Variants in RESP18 observed in about 807,000 individuals in gnomAD.
The protein encoded by RESP18 is regulated endocrine specific protein 18, also known as regulated endocrine-specific protein 18.
RESP18 carries 30 observed loss-of-function variants against 30.0 expected under a neutral mutation model. The ratio of observed to expected loss-of-function variants is 1.00; its 90% CI spans 0.75 to 1.36. The LOEUF (loss-of-function observed/expected upper bound fraction) is 1.36, where lower values mean the gene tolerates loss of function less well. RESP18 is among the 40% of genes most tolerant of loss of function. The pLI, the probability that RESP18 is intolerant of heterozygous loss-of-function variation, is 0.00. For synonymous variants in RESP18, 117 were observed against 111.2 expected (o/e 1.05, Z -0.33); for missense variants, 320 against 284.2 (o/e 1.13, Z -0.91).
At chr2:219,332,437 T>A in intron 2 of RESP18, 87 bp downstream of exon 1, 1 of 969,664 alleles carries the variant, frequency 1.0e-6, no homozygotes. Context: ...TACTTCCAAG[T>A]TTCCTAGCCT....
intron 5 of RESP18, 34 bp from the exon 5 acceptor site, chr2:219,329,042 T>C (rs1027571821): frequency 1.3e-6 from 2 of 1,513,996 alleles, no homozygotes; most frequent in African/African-American, 2.8e-5. Context: ...GTACCTTTGA[T>C]TAGGAATGGA....
At chr2:219,327,848 C>T (rs1158101842) in intron 6 of RESP18, among the ~76,000 whole-genome samples, 1 of 152,224 alleles carries the variant, frequency 6.6e-6, no homozygotes, top group South Asian at 2.1e-4. Context: ...GTCTCTGTCA[C>T]TTCTGTCACT....
At position 219,332,599 on chromosome 2, in the gene RESP18, C is replaced by G. The variant is rs2385405; in HGVS notation, c.157G>C (p.Glu53Gln). The change falls in exon 2 of 7, where the codon GAG becomes CAG. Residue 53 changes from glutamate to glutamine, a missense_variant. Glu to Gln is a conservative substitution (Grantham distance 29). Coordinates refer to ENST00000333527, the MANE Select transcript of RESP18 (RefSeq NM_001007089.4). The stretch of plus-strand genomic sequence containing the variant: ...AAGCAGACAAGCAGCTGGAGCCCCT[C>G]GGAGCTCCCAGGCCACAGTGGGTGC... The G allele has an allele frequency of 6.4e-7, 1 of 1,551,176 alleles. No individual in the cohort carries two copies. Among genetic ancestry groups the G allele is most frequent in the African/African-American group, 1.4e-5 (1 of 73,038 alleles).
chr2:219,329,408 G>A (rs1402532550), intron 4 of RESP18, 156 bp from the exon 4 acceptor site: 16 of 1,551,044 alleles, frequency 1.0e-5, no homozygotes, highest in African/African-American at 1.4e-5. Context: ...CCTCTTGCTA[G>A]AAGAGACAGG....
In RESP18 at chr2:219,330,822, T is replaced by G. The variant is rs756401037; in HGVS notation, c.286A>C (p.Thr96Pro). ...ACCTGTAAATGCTGGAAGACTGGGG[T>G]GGCAAATCCTTGGAGGGGCCAAAGC... Residue 96 changes from threonine (T) to proline (P), a missense_variant, in exon 3 of 7, where the codon ACC becomes CCC. Physicochemically the swap from Thr to Pro is conservative, Grantham distance 38. Coordinates refer to ENST00000333527, the MANE Select transcript of RESP18 (RefSeq NM_001007089.4). 6.4e-7 allele frequency: 1 copy of G among 1,551,398 alleles called. No individual in the cohort carries two copies. The highest frequency in any genetic ancestry group is 1.2e-5 in the South Asian group (1 of 84,044).
At chr2:219,328,859 G>A (rs1202954938) in intron 6 of RESP18, 65 bp downstream of exon 5, 2 of 1,026,110 alleles carry the variant, frequency 1.9e-6, no homozygotes, top group Non-Finnish European at 3.0e-6. Flanking sequence ...GGCATATATG[G>A]CAAAAAGGAC....
intron 6 of RESP18, among the ~76,000 whole-genome samples, chr2:219,327,945 A>C (rs1305643489): frequency 6.6e-6 from 1 of 152,194 alleles, no homozygotes; most frequent in Non-Finnish European, 1.5e-5. Flanking sequence ...GTTTCCTTGG[A>C]GAGCATGAGG....
intron 6 of RESP18, among the ~76,000 whole-genome samples, chr2:219,328,486 G>A (rs917852670): frequency 2.0e-5 from 3 of 152,120 alleles, no homozygotes; most frequent in Non-Finnish European, 4.4e-5. Context: ...TCTGATGTTT[G>A]GAATGGCCAA....
At position 219,332,516 on chromosome 2, in the gene RESP18, C is replaced by T. The variant is rs1952841788; in HGVS notation, c.232+8G>A. ...GCCCTGCCCGCACCCCCCAGGGTTC[C>T]TCCTGACCGTGGGCACTAGTGTCGC... On this transcript the variant is annotated splice_region_variant and intron_variant, in intron 2 of 6. Transcript: ENST00000333527. 7.7e-6 allele frequency: 12 copies of T among 1,548,846 alleles called. No individual in the cohort carries two copies. In the East Asian group the frequency reaches 1.5e-4, roughly 19 times the overall value.
chr2:219,329,830 A>C, intron 3 of RESP18, 66 bp from the exon 3 acceptor site: 2 of 1,474,904 alleles, frequency 1.4e-6, no homozygotes, highest in Non-Finnish European at 1.8e-6. Context: ...CAGGGATCAG[A>C]GTAACCTTTC....
Position 219,327,465 on chromosome 2 carries a change from G to A in RESP18, c.*52C>T. 6.7e-7 allele frequency: 1 copy of A among 1,497,342 alleles called. No homozygotes were observed. Among genetic ancestry groups the A allele is most frequent in the Non-Finnish European group, 9.1e-7 (1 of 1,097,726 alleles). 92.8% of individuals were successfully genotyped at this position (1,497,342 alleles called of 1,614,324 possible). ...TGGGTCATCCAAGAACTGCTCCTCT[G>A]AAGGGCAATGGGAAGGGTGCTGGGG... is the stretch of plus-strand genomic sequence containing the variant. On this transcript the variant is annotated 3_prime_UTR_variant, in exon 7 of 7. Coordinates refer to ENST00000333527, the MANE Select transcript of RESP18 (RefSeq NM_001007089.4).
chr2:219,331,131 A>C (rs1233698625), intron 2 of RESP18: 1 of 390,192 alleles, frequency 2.6e-6, no homozygotes, highest in Non-Finnish European at 4.7e-6. Flanking sequence ...AGCAGCCTGT[A>C]GAAGTTCAGA....
Position 219,327,454 on chromosome 2 carries a change from A to T in RESP18, c.*63T>A. The T allele has an allele frequency of 7.1e-7, 1 of 1,411,210 alleles. No homozygotes were observed. Among genetic ancestry groups the T allele is most frequent in the Non-Finnish European group, 9.8e-7 (1 of 1,019,342 alleles). The allele number at this position is 1,411,210 out of a possible 1,614,324, so 87.4% of individuals were successfully genotyped here. On this transcript the variant is annotated 3_prime_UTR_variant, in exon 7 of 7. Coordinates refer to ENST00000333527, the MANE Select transcript of RESP18 (RefSeq NM_001007089.4). ...TGATTCAAATCTGGGTCATCCAAGA[A>T]CTGCTCCTCTGAAGGGCAATGGGAA...
At chr2:219,330,613 A>C (rs1360418455) in intron 3 of RESP18, among the ~76,000 whole-genome samples, 158 bp downstream of exon 2, 1 of 140,494 alleles carries the variant, frequency 7.1e-6, no homozygotes, top group African/African-American at 3.0e-5. Context: ...TCCAGATCCC[A>C]CTCCTACTCC....
At chr2:219,330,662 A>G (rs900881006) in intron 3 of RESP18, 109 bp downstream of exon 2, 6 of 684,938 alleles carry the variant, frequency 8.8e-6, no homozygotes, top group Non-Finnish European at 1.5e-5. Context: ...CAAAGTTTTA[A>G]GTAGAGACAT....
intron 3 of RESP18, among the ~76,000 whole-genome samples, chr2:219,330,523 G>A (rs1211967868): frequency 1.4e-5 from 2 of 141,712 alleles, no homozygotes; most frequent in Admixed American, 6.7e-5. Flanking sequence ...GATGCTGGCC[G>A]TTTTCAGTTT....
At chr2:219,330,721 C>CT in intron 3 of RESP18, 50 bp downstream of exon 2, 1 of 1,215,756 alleles carries the variant, frequency 8.2e-7, no homozygotes, top group Non-Finnish European at 1.2e-6. Context: ...CTCTTCCCCC[C>CT]TCCCCATCTC....
At position 219,327,493 on chromosome 2, in the gene RESP18, G is replaced by GGGA; in HGVS notation, c.*21_*23dup. ...GGGCAATGGGAAGGGTGCTGGGGCA[G>GGGA]GGAGGCTTCACATGAGGTCTCAATC... On this transcript the variant is annotated 3_prime_UTR_variant, in exon 7 of 7. Transcript: ENST00000333527. 6.5e-7 allele frequency: 1 copy of GGGA among 1,549,706 alleles called. No individual in the cohort carries two copies.
intron 1 of RESP18, chr2:219,333,099 C>A: frequency 1.7e-6 from 2 of 1,145,520 alleles, no homozygotes; most frequent in Non-Finnish European, 2.3e-6. Context: ...GTTCGATCTG[C>A]TATATATATA....
Sources: gnomAD v4.1 joint callset for allele counts (sites outside exome capture counted in the v4.1 genomes callset) on GRCh38, gnomAD v4.1.1 for gene constraint, MANE v1.5 for transcripts, NCBI Gene and HGNC (gene_info 2026-07-23, HGNC 2026-07-21) for gene names.